The following TTC13 variants were observed in gnomAD, a reference collection of about 807,000 sequenced individuals.
The protein encoded by TTC13 is tetratricopeptide repeat domain 13.
TTC13 carries 62 observed loss-of-function variants against 120.0 expected under a neutral mutation model. The ratio of observed to expected loss-of-function variants is 0.52; its 90% CI spans 0.42 to 0.64. The LOEUF (loss-of-function observed/expected upper bound fraction) is 0.64, where lower values mean the gene tolerates loss of function less well. Among genes scored for constraint, TTC13 ranks in the 30% least tolerant of loss-of-function variants. The pLI is 0.00. For synonymous variants in TTC13, 384 were observed against 393.5 expected, an observed-to-expected ratio of 0.98 and a Z score of 0.28; for missense variants, 824 against 1,050.2, an observed-to-expected ratio of 0.78 and a Z score of 2.98.
chr1:230,934,651 T>C (rs1056630250), intron 8 of TTC13, among the ~76,000 whole-genome samples: 1 of 152,238 alleles, frequency 6.6e-6, no homozygotes, highest in Non-Finnish European at 1.5e-5. Flanking sequence ...TACTTTTCAC[T>C]GTGACTTATA....
chr1:230,955,685 A>AAAAT (rs397774706), intron 3 of TTC13, among the ~76,000 whole-genome samples: 1 of 150,916 alleles, frequency 6.6e-6, no homozygotes, highest in Non-Finnish European at 1.5e-5. Flanking sequence ...AAAAAAAAAA[A>AAAAT]GGAGTAAAAA....
At chr1:230,917,579 G>A (rs184668389) in intron 17 of TTC13, among the ~76,000 whole-genome samples, 2 of 152,008 alleles carry the variant, frequency 1.3e-5, no homozygotes, top group South Asian at 2.1e-4. Flanking sequence ...CAATATATCC[G>A]TAATCCTGGG....
At chr1:230,949,864 T>C (rs1482651581) in intron 4 of TTC13, among the ~76,000 whole-genome samples, 1 of 152,142 alleles carries the variant, frequency 6.6e-6, no homozygotes, top group African/African-American at 2.4e-5. Flanking sequence ...TTAGCCAGGA[T>C]AGTCTCAATC....
chr1:230,954,038 T>A lies in TTC13; in HGVS notation c.513+295A>T, dbSNP rs145585753. ...AGCTAATGTTTTTTTAAAGCTTGCA[T>A]TTGAATCCCATCTCTGCAATTTGAT... On this transcript the variant is annotated intron_variant, in intron 4 of 22. Transcript: ENST00000366661. 1.4e-4 allele frequency among the ~76,000 whole-genome samples: 22 copies of A among 152,312 alleles called. No homozygotes were observed. The East Asian group carries it at 3.3e-3, about 23-fold the overall frequency.
intron 4 of TTC13, among the ~76,000 whole-genome samples, chr1:230,946,934 C>T (rs1675057367): frequency 6.6e-6 from 1 of 152,048 alleles, no homozygotes; most frequent in South Asian, 2.1e-4. Context: ...ATAAATCATA[C>T]TTATACGTGA....
At chr1:230,947,421 G>A (rs1180023833) in intron 4 of TTC13, among the ~76,000 whole-genome samples, 1 of 152,168 alleles carries the variant, frequency 6.6e-6, no homozygotes, top group Non-Finnish European at 1.5e-5. Flanking sequence ...TGGCCAGGCT[G>A]GGGTGGGAGG....
intron 3 of TTC13, among the ~76,000 whole-genome samples, chr1:230,955,428 C>T (rs932772503): frequency 1.3e-5 from 2 of 148,960 alleles, no homozygotes; most frequent in African/African-American, 4.9e-5. Flanking sequence ...CTTTGGGAGG[C>T]TGAGGCAGGC....
chr1:230,908,999 G>T lies in TTC13; in HGVS notation c.2331C>A (p.Ile777=). 6.2e-7 allele frequency: 1 copy of T among 1,613,966 alleles called. No individual in the cohort carries two copies. The highest frequency in any genetic ancestry group is 8.5e-7 in the Non-Finnish European group (1 of 1,179,980). Residue 777 remains isoleucine, a synonymous_variant, in exon 21 of 23, where the codon ATC becomes ATA. Coordinates refer to ENST00000366661, the MANE Select transcript of TTC13 (RefSeq NM_024525.5). The stretch of plus-strand genomic sequence containing the variant: ...TTCCACTTGCCATCAGTGCTCCCAC[G>T]ATGACCGAGTAAGCAATTACACTAT... ...RGSSVIAYSV[I]VGALMASGKE...
At chr1:230,929,322 A>ATTTTTTT (rs66812339) in intron 11 of TTC13, among the ~76,000 whole-genome samples, 1,575 of 144,452 alleles carry the variant, frequency 0.011, 29 homozygotes, top group Non-Finnish European at 0.016. Context: ...CTTTGGCTAC[A>ATTTTTTT]TTTTTTTTTT....
chr1:230,931,802 G>C lies in TTC13; in HGVS notation c.1059C>G (p.Thr353=). The C allele has an allele frequency of 6.2e-7, 1 of 1,614,060 alleles. No individual in the cohort carries two copies. The highest frequency in any genetic ancestry group is 8.5e-7 in the Non-Finnish European group (1 of 1,180,004). ...AGAGCATCATTCCCCGGAGCTGGAG[G>C]GTTTGCACATGATTTTGGTTGAGCA... ...ALLLNQNHVQ[T]LQLRGMMLYH... is the part of the protein sequence containing the mutation. Residue 353 remains threonine (T), a synonymous_variant, in exon 10 of 23, where the codon ACC becomes ACG. Coordinates refer to ENST00000366661, the MANE Select transcript of TTC13 (RefSeq NM_024525.5).
chr1:230,936,339 A>T, intron 8 of TTC13: 1 of 430,780 alleles, frequency 2.3e-6, no homozygotes, highest in Non-Finnish European at 4.6e-6. Flanking sequence ...GAATGAATCA[A>T]TCTCTAAGCA....
intron 1 of TTC13, among the ~76,000 whole-genome samples, chr1:230,976,432 G>C (rs1678315516): frequency 6.6e-6 from 1 of 152,204 alleles, no homozygotes; most frequent in Non-Finnish European, 1.5e-5. Flanking sequence ...GAAATGAGAA[G>C]TATTTCAGTA....
intron 1 of TTC13, among the ~76,000 whole-genome samples, chr1:230,975,623 A>C (rs1347837965): frequency 3.9e-5 from 6 of 152,180 alleles, no homozygotes; most frequent in Non-Finnish European, 8.8e-5. Context: ...CAAGTAAACA[A>C]AGAGAGAAGA....
chr1:230,947,862 G>A (rs973080160), intron 4 of TTC13, among the ~76,000 whole-genome samples: 5 of 152,138 alleles, frequency 3.3e-5, no homozygotes, highest in Non-Finnish European at 7.4e-5. Context: ...ACCCGTGGCC[G>A]GGGCTGGTGC....
At chr1:230,908,245 T>C (rs1472927698) in intron 22 of TTC13, among the ~76,000 whole-genome samples, 1 of 152,208 alleles carries the variant, frequency 6.6e-6, no homozygotes, top group Admixed American at 6.5e-5. Flanking sequence ...TGGAGTGCAG[T>C]GGTGCAACCA....
At chr1:230,925,483 G>T (rs1185103583) in intron 13 of TTC13, 34 bp downstream of exon 13, 2 of 1,611,782 alleles carry the variant, frequency 1.2e-6, no homozygotes, top group South Asian at 2.2e-5. Flanking sequence ...CTTATGCCAG[G>T]AATATTTTCA....
In TTC13 at chr1:230,978,498, G is replaced by T; in HGVS notation, c.271+62C>A. The T allele has an allele frequency of 2.1e-6, 1 of 480,002 alleles. No homozygotes were observed. Among genetic ancestry groups the T allele is most frequent in the Non-Finnish European group, 3.2e-6 (1 of 309,864 alleles). 29.7% of individuals were successfully genotyped at this position (480,002 alleles called of 1,614,324 possible). On this transcript the variant is annotated intron_variant, in intron 1 of 22. Transcript: ENST00000366661. The surrounding 1 kb of genome is among the most constrained non-coding windows in gnomAD (Gnocchi z 5.6). The stretch of plus-strand genomic sequence containing the variant: ...CCCGGGCGACCCGTACCCCGGCCCG[G>T]GACCCCAGCCCCGCTGCCCCGCCGC...
intron 1 of TTC13, among the ~76,000 whole-genome samples, chr1:230,967,811 C>T (rs1419481227): frequency 6.6e-6 from 1 of 152,168 alleles, no homozygotes; most frequent in Non-Finnish European, 1.5e-5. Flanking sequence ...TAAATAATTA[C>T]AGCCCAACCA....
Position 230,931,720 on chromosome 1 carries a change from A to G in TTC13, c.1125+16T>C. 6.2e-7 allele frequency: 1 copy of G among 1,612,826 alleles called. No individual in the cohort carries two copies. On this transcript the variant is annotated intron_variant, in intron 10 of 22. Coordinates refer to ENST00000366661, the MANE Select transcript of TTC13 (RefSeq NM_024525.5). ...CAGTAATTCCAATTACAGTGTTCTT[A>G]TTTATGGATGCTCACCTTAAAGTTC...
Sources: gnomAD v4.1 joint callset for allele counts (sites outside exome capture counted in the v4.1 genomes callset) on GRCh38, gnomAD v4.1.1 for gene constraint, Gnocchi (gnomAD v3.1) non-coding constraint, MANE v1.5 for transcripts, NCBI Gene and HGNC (gene_info 2026-07-23, HGNC 2026-07-21) for gene names.